Variants in LRRTM4 observed in about 807,000 individuals in gnomAD.
LRRTM4 encodes leucine rich repeat transmembrane neuronal 4.
Under a neutral mutation model 47.6 loss-of-function variants are expected in LRRTM4, and 25 were observed. The observed-to-expected ratio is 0.53, with a 90% CI of 0.38 to 0.73. The LOEUF (loss-of-function observed/expected upper bound fraction) is 0.73, where lower values mean the gene tolerates loss of function less well. Among genes scored for constraint, LRRTM4 ranks in the 30% least tolerant of loss-of-function variants. The pLI, the probability that LRRTM4 is intolerant of heterozygous loss-of-function variation, is 0.00. For missense variants in LRRTM4, 638 were observed against 713.4 expected (o/e 0.89, Z 1.20); for synonymous variants, 311 against 269.5 (o/e 1.15, Z -1.51).
At chr2:76,999,746 C>T (rs1268000328) in intron 3 of LRRTM4, among the ~76,000 whole-genome samples, 1 of 152,122 alleles carries the variant, frequency 6.6e-6, no homozygotes, top group Admixed American at 6.6e-5. Flanking sequence ...TCTTTCACGG[C>T]ACACAGTTTA....
intron 3 of LRRTM4, among the ~76,000 whole-genome samples, chr2:77,367,864 T>C (rs1181997916): frequency 1.3e-5 from 2 of 151,864 alleles, no homozygotes; most frequent in Non-Finnish European, 2.9e-5. Flanking sequence ...CAAGATTCTG[T>C]AGCTGCACTG....
intron 3 of LRRTM4, among the ~76,000 whole-genome samples, chr2:76,958,198 G>A (rs920948372): frequency 6.6e-6 from 1 of 151,730 alleles, no homozygotes; most frequent in African/African-American, 2.4e-5. Context: ...CAGTGGCCAG[G>A]CAGAGGGCCA....
chr2:76,950,379 T>C (rs1442713479), intron 3 of LRRTM4, among the ~76,000 whole-genome samples: 2 of 151,974 alleles, frequency 1.3e-5, no homozygotes, highest in Non-Finnish European at 1.5e-5. Context: ...CTCACACTTA[T>C]GCATCTCAAC....
chr2:77,347,446 T>C (rs1483551184), intron 3 of LRRTM4, among the ~76,000 whole-genome samples: 1 of 152,158 alleles, frequency 6.6e-6, no homozygotes, highest in Non-Finnish European at 1.5e-5. Flanking sequence ...ATCATACTCT[T>C]ATTTGGAACA....
intron 3 of LRRTM4, among the ~76,000 whole-genome samples, chr2:76,819,566 A>G (rs569668590): frequency 6.6e-6 from 1 of 152,018 alleles, no homozygotes; most frequent in Non-Finnish European, 1.5e-5. Flanking sequence ...TCACTTCATA[A>G]TATTTTTGAA....
At chr2:77,142,455 A>ACT (rs1195438145) in intron 3 of LRRTM4, among the ~76,000 whole-genome samples, 1 of 150,870 alleles carries the variant, frequency 6.6e-6, no homozygotes, top group Non-Finnish European at 1.5e-5. Context: ...ACACACACAC[A>ACT]CACTTATCTC....
At chr2:77,457,045 T>C (rs1354410161) in intron 3 of LRRTM4, among the ~76,000 whole-genome samples, 1 of 13,576 alleles carries the variant, frequency 7.4e-5, no homozygotes, top group Non-Finnish European at 1.8e-4. Flanking sequence ...TATATATATA[T>C]ATATATGTAT....
chr2:76,872,342 G>T (rs140472225), intron 3 of LRRTM4, among the ~76,000 whole-genome samples: 65 of 152,156 alleles, frequency 4.3e-4, no homozygotes, highest in African/African-American at 1.4e-3. Context: ...AATAAGAAAA[G>T]AAAATTACAA....
At chr2:77,276,367 A>G in intron 3 of LRRTM4, among the ~76,000 whole-genome samples, 1 of 140,704 alleles carries the variant, frequency 7.1e-6, no homozygotes, top group Non-Finnish European at 1.5e-5. Flanking sequence ...GAAGGAGAGA[A>G]GGAAGGAAGG....
At chr2:76,926,630 T>C (rs773962534) in intron 3 of LRRTM4, among the ~76,000 whole-genome samples, 5 of 152,150 alleles carry the variant, frequency 3.3e-5, no homozygotes, top group Non-Finnish European at 7.4e-5. Context: ...AGGAATGTTT[T>C]GTTATGGTGT....
rs568955388 is a variant in LRRTM4 at position 77,237,391 on chromosome 2, TAATG to T, written c.1551+280923_1551+280926del. Among the ~76,000 whole-genome samples, 166 of 152,204 alleles carry T rather than the reference TAATG, an allele frequency of 1.1e-3. 1 individual carries two copies. The highest frequency in any genetic ancestry group is 3.9e-3 in the African/African-American group (160 of 41,536). On this transcript the variant is annotated intron_variant, in intron 3 of 3. Transcript: ENST00000409884. ...TTTTGTATTTTTGTGGGATTGGTTT[TAATG>T]TCACATTGGTCATTTCTGATTGTGC...
In LRRTM4 at chr2:77,312,649, C is replaced by T. The variant is rs183235689; in HGVS notation, c.1551+205669G>A. Among the ~76,000 whole-genome samples, 366 of 152,188 alleles carry T rather than the reference C, an allele frequency of 2.4e-3. 1 individual carries two copies. The highest frequency in any genetic ancestry group is 8.6e-3 in the African/African-American group (356 of 41,516). On this transcript the variant is annotated intron_variant, in intron 3 of 3. Transcript: ENST00000409884. Reference sequence around the variant, plus strand: ...CCACACGCGTGCACACACACACACTCACACACACTCTTCCATTTTCAAATC... The same window carrying T: ...CCACACGCGTGCACACACACACACTTACACACACTCTTCCATTTTCAAATC...
At chr2:76,925,599 G>A (rs1674565196) in intron 3 of LRRTM4, among the ~76,000 whole-genome samples, 1 of 152,160 alleles carries the variant, frequency 6.6e-6, no homozygotes, top group South Asian at 2.1e-4. Flanking sequence ...CCATTTTCAA[G>A]GTAAATTTCC....
intron 3 of LRRTM4, among the ~76,000 whole-genome samples, chr2:77,052,444 C>G (rs1032563560): frequency 6.6e-6 from 1 of 152,002 alleles, no homozygotes; most frequent in African/African-American, 2.4e-5. Flanking sequence ...GCTGGGATTA[C>G]AGGTGTGAGC....
chr2:77,521,040 C>CTTTTTT (rs1039617242), intron 2 of LRRTM4, among the ~76,000 whole-genome samples: 4 of 151,656 alleles, frequency 2.6e-5, no homozygotes, highest in African/African-American at 9.7e-5. Context: ...TTAAGTTTTT[C>CTTTTTT]TTTTTTTTCT....
In LRRTM4 at chr2:76,792,459, A is replaced by AAGAT. The variant is rs539487071; in HGVS notation, c.1552-43547_1552-43544dup. Among the ~76,000 whole-genome samples, 130 of 152,320 alleles carry AAGAT rather than the reference A, an allele frequency of 8.5e-4. 1 individual carries two copies. Among genetic ancestry groups the AAGAT allele is most frequent in the Middle Eastern group, 6.8e-3 (2 of 294 alleles). Reference sequence around the variant, plus strand: ...CTCTGCTGGGAACTATGGTAATCCAAAGATAGAAGGATATACATCAATTCC... The same window carrying AAGAT: ...CTCTGCTGGGAACTATGGTAATCCAAAGATAGATAGAAGGATATACATCAATTCC... On this transcript the variant is annotated intron_variant, in intron 3 of 3. Coordinates refer to ENST00000409884, the MANE Select transcript of LRRTM4 (RefSeq NM_001134745.3).
intron 3 of LRRTM4, among the ~76,000 whole-genome samples, chr2:77,194,459 G>A (rs1673759150): frequency 6.6e-6 from 1 of 152,116 alleles, no homozygotes. Context: ...AGCCACCACT[G>A]AACATCTCAA....
At chr2:77,433,099 T>C (rs1340976459) in intron 3 of LRRTM4, among the ~76,000 whole-genome samples, 2 of 152,196 alleles carry the variant, frequency 1.3e-5, no homozygotes, top group Non-Finnish European at 2.9e-5. Flanking sequence ...TTAGACAGTT[T>C]TCAGGTAGGT....
At chr2:77,263,466 G>T (rs923926971) in intron 3 of LRRTM4, among the ~76,000 whole-genome samples, 1 of 152,060 alleles carries the variant, frequency 6.6e-6, no homozygotes, top group African/African-American at 2.4e-5. Context: ...TCTGCAGTGG[G>T]GGTATCTTGT....
Sources: gnomAD v4.1 joint callset for allele counts (sites outside exome capture counted in the v4.1 genomes callset) on GRCh38, gnomAD v4.1.1 for gene constraint, MANE v1.5 for transcripts, NCBI Gene and HGNC (gene_info 2026-07-23, HGNC 2026-07-21) for gene names.